STAB2: variants seen among roughly 807,000 people sequenced by gnomAD.
STAB2 encodes the protein stabilin-2.
Under a neutral mutation model 338.1 loss-of-function variants are expected in STAB2, and 288 were observed. The observed-to-expected ratio is 0.85, with a 90% CI of 0.77 to 0.94. The LOEUF (loss-of-function observed/expected upper bound fraction) is 0.94, where lower values mean the gene tolerates loss of function less well. STAB2 is among the 40% of genes least tolerant of loss of function. The probability of loss-of-function intolerance (pLI) is 0.00; values close to 1 mark genes in which losing one functional copy is unlikely to be tolerated. For missense variants in STAB2, 3,141 were observed against 3,210.1 expected, an observed-to-expected ratio of 0.98 and a Z score of 0.52; for synonymous variants, 1,202 against 1,193.3, an observed-to-expected ratio of 1.01 and a Z score of -0.15.
chr12:103,728,997 T>A lies in STAB2; in HGVS notation c.5082+2T>A, dbSNP rs752735808. ...CCAATAGTCATCTCCGTCTCTCAGG[T>A]AGATGCCAGTTATCCTTAGGTCCTC... On this transcript the variant is annotated splice_donor_variant, in intron 48 of 68. Coordinates refer to ENST00000388887, the MANE Select transcript of STAB2 (RefSeq NM_017564.10). LOFTEE classifies it high-confidence loss of function. 3 of 1,613,576 alleles carry A rather than the reference T, an allele frequency of 1.9e-6. No homozygotes were observed. The East Asian group carries it at 6.7e-5, about 36-fold the overall frequency.
chr12:103,679,991 T>C (rs1876752061), intron 25 of STAB2, among the ~76,000 whole-genome samples: 1 of 152,194 alleles, frequency 6.6e-6, no homozygotes, highest in Non-Finnish European at 1.5e-5. Flanking sequence ...TGGGTGAACC[T>C]TGAAGCTGTG....
intron 6 of STAB2, among the ~76,000 whole-genome samples, chr12:103,633,987 C>T (rs1286930391): frequency 1.3e-5 from 2 of 152,046 alleles, no homozygotes; most frequent in African/African-American, 4.8e-5. Context: ...AGGAATTAGA[C>T]AAAGGTAAGC....
At chr12:103,626,177 C>T (rs1271900571) in intron 5 of STAB2, among the ~76,000 whole-genome samples, 4 of 152,202 alleles carry the variant, frequency 2.6e-5, no homozygotes, top group Admixed American at 6.5e-5. Context: ...TGTCTGTTTG[C>T]ACTGTCCCAT....
intron 68 of STAB2, 88 bp downstream of exon 68, chr12:103,763,696 C>A: frequency 8.3e-7 from 1 of 1,198,826 alleles, no homozygotes; most frequent in East Asian, 2.4e-5. Flanking sequence ...GATCTTTGTA[C>A]CAAAGAAGGT....
At chr12:103,610,817 T>G (rs771044246) in intron 3 of STAB2, among the ~76,000 whole-genome samples, 3,730 of 152,284 alleles carry the variant, frequency 0.024, 65 homozygotes, top group Middle Eastern at 0.048. Flanking sequence ...TTTCTCTTGT[T>G]GGCATTTAGT....
chr12:103,698,085 G>C (rs1255994834), intron 33 of STAB2, among the ~76,000 whole-genome samples: 3 of 152,206 alleles, frequency 2.0e-5, no homozygotes, highest in African/African-American at 2.4e-5. Context: ...GCTGGGTGAT[G>C]CCAATAGGAA....
chr12:103,704,920 A>G (rs1879210735), intron 36 of STAB2: 3 of 219,848 alleles, frequency 1.4e-5, no homozygotes, highest in Non-Finnish European at 2.7e-5. Context: ...TTGTCAGAGA[A>G]GAGAGATTCC....
chr12:103,741,016 T>C (rs1236803545), intron 55 of STAB2, among the ~76,000 whole-genome samples: 1 of 152,190 alleles, frequency 6.6e-6, no homozygotes, highest in African/African-American at 2.4e-5. Flanking sequence ...AGACATTTAT[T>C]ATGGTGCTAA....
In STAB2 at chr12:103,711,484, C is replaced by A. The variant is rs147569287; in HGVS notation, c.4302C>A (p.Asp1434Glu). 6.8e-5 allele frequency: 110 copies of A among 1,613,984 alleles called. No homozygotes were observed. The highest frequency in any genetic ancestry group is 8.4e-5 in the Non-Finnish European group (99 of 1,180,030). ...GVHCDNATTEDNCNGTCHTSA... is the reference protein window; with the variant it reads ...GVHCDNATTEENCNGTCHTSA... Reference sequence around the variant, plus strand: ...TCTCTTTTTCAGCAACCACAGAAGACAACTGCAATGGGACATGCCATACCA... The same window carrying A: ...TCTCTTTTTCAGCAACCACAGAAGAAAACTGCAATGGGACATGCCATACCA... The change falls in exon 40 of 69, where the codon GAC (aspartate) becomes GAA (glutamate). Residue 1434 changes from aspartate (D) to glutamate (E), a missense_variant. Physicochemically the swap from Asp to Glu is conservative, Grantham distance 45 (BLOSUM62 2). Transcript: ENST00000388887.
intron 19 of STAB2, among the ~76,000 whole-genome samples, chr12:103,668,335 A>G (rs1875364459): frequency 6.6e-6 from 1 of 152,228 alleles, no homozygotes; most frequent in African/African-American, 2.4e-5. Flanking sequence ...GGGAGACTAG[A>G]CCGTATCCAG....
intron 35 of STAB2, 31 bp downstream of exon 35, chr12:103,703,307 A>G (rs1324022826): frequency 4.4e-6 from 7 of 1,602,868 alleles, no homozygotes; most frequent in Non-Finnish European, 5.9e-6. Context: ...CCAGTGATGG[A>G]ACTAATGAAT....
intron 3 of STAB2, among the ~76,000 whole-genome samples, chr12:103,605,530 A>G (rs1957014614): frequency 6.6e-6 from 1 of 151,930 alleles, no homozygotes; most frequent in African/African-American, 2.4e-5. Flanking sequence ...TAATTTTAAG[A>G]CTACTTGTTC....
At chr12:103,673,563 T>G (rs10778276) in intron 22 of STAB2, among the ~76,000 whole-genome samples, 52,540 of 151,814 alleles carry the variant, frequency 0.35, 9,267 homozygotes, top group East Asian at 0.52. Context: ...TGCCCAGGCT[T>G]GTCTCAAACT....
chr12:103,759,867 A>T (rs1253469287), intron 65 of STAB2, among the ~76,000 whole-genome samples: 1 of 152,248 alleles, frequency 6.6e-6, no homozygotes, highest in African/African-American at 2.4e-5. Context: ...GAATCAAGGG[A>T]ACCCTCATAT....
At chr12:103,690,813 G>A (rs1304289467) in intron 30 of STAB2, among the ~76,000 whole-genome samples, 1 of 152,174 alleles carries the variant, frequency 6.6e-6, no homozygotes, top group Non-Finnish European at 1.5e-5. Context: ...AACCCAGAAA[G>A]GGTAAAGGAT....
chr12:103,727,196 G>T, intron 46 of STAB2, 71 bp from the exon 47 acceptor site: 1 of 1,527,386 alleles, frequency 6.5e-7, no homozygotes, highest in Non-Finnish European at 9.1e-7. Flanking sequence ...ATCATCTCTG[G>T]TATTAGTTTG....
chr12:103,713,471 G>A (rs1325480441), intron 41 of STAB2, among the ~76,000 whole-genome samples, 172 bp from the exon 42 acceptor site: 1 of 152,164 alleles, frequency 6.6e-6, no homozygotes, highest in Non-Finnish European at 1.5e-5. Flanking sequence ...AGCTAGAAAG[G>A]GCAAATCACA....
intron 24 of STAB2, among the ~76,000 whole-genome samples, chr12:103,676,598 A>G (rs1876395588): frequency 6.6e-6 from 1 of 152,178 alleles, no homozygotes; most frequent in African/African-American, 2.4e-5. Context: ...ATTTTACTTG[A>G]TTAGGAAACT....
intron 50 of STAB2, among the ~76,000 whole-genome samples, 196 bp from the exon 51 acceptor site, chr12:103,732,810 T>C (rs939179424): frequency 6.6e-6 from 1 of 151,750 alleles, no homozygotes; most frequent in Non-Finnish European, 1.5e-5. Context: ...GTCTCAAAAA[T>C]AAGAAAAAAA....
Sources: gnomAD v4.1 joint callset for allele counts (sites outside exome capture counted in the v4.1 genomes callset) on GRCh38, gnomAD v4.1.1 for gene constraint, MANE v1.5 for transcripts, NCBI Gene and HGNC (gene_info 2026-07-23, HGNC 2026-07-21) for gene names.